FGF14: variants seen among roughly 807,000 people sequenced by gnomAD.
The protein encoded by FGF14 is fibroblast growth factor homologous factor 4.
Under a neutral mutation model 25.5 loss-of-function variants are expected in FGF14, and 5 were observed. The observed-to-expected ratio is 0.20, with a 90% confidence interval of 0.10 to 0.41. The LOEUF is 0.41. Among genes scored for constraint, FGF14 ranks in the 10% least tolerant of loss-of-function variants. The pLI is 1.00. For missense variants in FGF14, 222 were observed against 320.1 expected (o/e 0.69, Z 2.34); for synonymous variants, 138 against 118.3 (o/e 1.17, Z -1.08).
At chr13:101,860,958 TCAG>T (rs1262365584) in intron 3 of FGF14, among the ~76,000 whole-genome samples, 1 of 152,144 alleles carries the variant, frequency 6.6e-6, no homozygotes, top group African/African-American at 2.4e-5. Context: ...TGAATTTAAT[TCAG>T]CTAGTATTCT....
chr13:102,396,070 C>A (rs1399043335), intron 1 of FGF14, among the ~76,000 whole-genome samples: 1 of 152,190 alleles, frequency 6.6e-6, no homozygotes, highest in East Asian at 1.9e-4. Flanking sequence ...CAGAAAACTC[C>A]ATGCCCTTCA....
intron 1 of FGF14, among the ~76,000 whole-genome samples, chr13:102,279,836 T>C (rs1020972412): frequency 8.5e-5 from 13 of 152,234 alleles, no homozygotes; most frequent in African/African-American, 3.1e-4. Flanking sequence ...GAAATACATC[T>C]AGGCTCCCCT....
chr13:102,389,670 T>G (rs1031303915), intron 1 of FGF14, among the ~76,000 whole-genome samples: 11 of 152,204 alleles, frequency 7.2e-5, no homozygotes, highest in African/African-American at 2.7e-4. Flanking sequence ...TTAGGCAGCT[T>G]TGCTAGAAGC....
At chr13:101,756,570 T>C (rs751224344) in intron 3 of FGF14, among the ~76,000 whole-genome samples, 1 of 152,108 alleles carries the variant, frequency 6.6e-6, no homozygotes, top group Non-Finnish European at 1.5e-5. Flanking sequence ...CCGTCTCTAC[T>C]AAAAATACAA....
intron 1 of FGF14, among the ~76,000 whole-genome samples, chr13:102,284,612 A>T (rs2054004462): frequency 6.6e-6 from 1 of 152,038 alleles, no homozygotes; most frequent in African/African-American, 2.4e-5. Flanking sequence ...TTCAGTGTGA[A>T]TTTTTTTAGA....
At chr13:101,856,557 G>A (rs1372781672) in intron 3 of FGF14, among the ~76,000 whole-genome samples, 2 of 151,846 alleles carry the variant, frequency 1.3e-5, no homozygotes, top group Non-Finnish European at 2.9e-5. Flanking sequence ...TTCTTCCAGA[G>A]TTGCATAATT....
intron 1 of FGF14, among the ~76,000 whole-genome samples, chr13:101,906,036 T>C (rs562337611): frequency 6.6e-6 from 1 of 152,238 alleles, no homozygotes; most frequent in African/African-American, 2.4e-5. Context: ...CTGGTTACTT[T>C]CCCTACACTT....
At chr13:102,075,408 A>G (rs2043319486) in intron 1 of FGF14, among the ~76,000 whole-genome samples, 1 of 152,194 alleles carries the variant, frequency 6.6e-6, no homozygotes, top group South Asian at 2.1e-4. Context: ...GCCCTATAAG[A>G]TTATAATCAA....
chr13:102,188,780 A>G (rs2048972357), intron 1 of FGF14, among the ~76,000 whole-genome samples: 1 of 151,752 alleles, frequency 6.6e-6, no homozygotes, highest in African/African-American at 2.4e-5. Flanking sequence ...TTCTCAACCA[A>G]AAATACAAAA....
intron 1 of FGF14, among the ~76,000 whole-genome samples, chr13:102,048,532 G>A (rs1029665600): frequency 2.6e-5 from 4 of 152,106 alleles, no homozygotes; most frequent in African/African-American, 9.7e-5. Flanking sequence ...TGACTTGCCC[G>A]CTGTCGTGTA....
intron 1 of FGF14, among the ~76,000 whole-genome samples, chr13:102,230,015 C>G (rs142604820): frequency 6.6e-6 from 1 of 152,120 alleles, no homozygotes; most frequent in Non-Finnish European, 1.5e-5. Flanking sequence ...CCAAAATTTA[C>G]GTATTGCAAT....
chr13:101,769,801 G>C (rs548082412), intron 3 of FGF14, among the ~76,000 whole-genome samples: 1 of 152,232 alleles, frequency 6.6e-6, no homozygotes, highest in African/African-American at 2.4e-5. Context: ...CAGGAAATGG[G>C]GTGGGGAAAA....
At position 102,200,483 on chromosome 13, in the gene FGF14, C is replaced by T. The variant is rs184810472; in HGVS notation, c.208+200988G>A. Among the ~76,000 whole-genome samples, 24 of 152,270 alleles carry T rather than the reference C, an allele frequency of 1.6e-4. No individual in the cohort carries two copies. The East Asian group carries it at 2.3e-3, about 15-fold the overall frequency. On this transcript the variant is annotated intron_variant, in intron 1 of 4. Coordinates refer to the FGF14 transcript ENST00000376131. ...CACCATAAAAAATGCTCCCCAAATA[C>T]TTGAGTAAGAATATTCCCAAGACCT...
intron 1 of FGF14, chr13:102,045,894 C>T (rs1595096861): frequency 6.5e-6 from 1 of 153,530 alleles, no homozygotes; most frequent in Non-Finnish European, 1.5e-5. Context: ...CGGGGTCTGA[C>T]AAGCCTGTGA....
At chr13:102,241,994 A>T (rs1334764673) in intron 1 of FGF14, among the ~76,000 whole-genome samples, 1 of 152,124 alleles carries the variant, frequency 6.6e-6, no homozygotes, top group Non-Finnish European at 1.5e-5. Context: ...AAATGAGGGT[A>T]ATGAAAGGTA....
At chr13:101,997,930 T>G (rs1020697476) in intron 1 of FGF14, among the ~76,000 whole-genome samples, 2 of 152,186 alleles carry the variant, frequency 1.3e-5, no homozygotes, top group African/African-American at 2.4e-5. Context: ...ATGGGATACC[T>G]ATAGATAGCA....
At chr13:101,822,554 T>C (rs1566943009) in intron 3 of FGF14, among the ~76,000 whole-genome samples, 1 of 152,106 alleles carries the variant, frequency 6.6e-6, no homozygotes, top group Non-Finnish European at 1.5e-5. Flanking sequence ...TTAGATTAAT[T>C]TGAAGAGATA....
intron 3 of FGF14, among the ~76,000 whole-genome samples, chr13:101,730,601 C>A (rs1315518530): frequency 7.2e-5 from 11 of 152,202 alleles, no homozygotes; most frequent in African/African-American, 2.4e-4. Context: ...AGTAATTGCA[C>A]AGTCATACTT....
At chr13:102,002,252 A>T (rs1234672041) in intron 1 of FGF14, 1 of 152,214 alleles carries the variant, frequency 6.6e-6, no homozygotes, top group Non-Finnish European at 1.5e-5. Flanking sequence ...ATTTCCAATG[A>T]TGTTTACCAA....
Sources: gnomAD v4.1 joint callset for allele counts (sites outside exome capture counted in the v4.1 genomes callset) on GRCh38, gnomAD v4.1.1 for gene constraint, MANE v1.5 for transcripts, NCBI Gene and HGNC (gene_info 2026-07-23, HGNC 2026-07-21) for gene names.